MED27: variants seen among roughly 807,000 people sequenced by gnomAD.
The protein encoded by MED27 is mediator of RNA polymerase II transcription subunit 27.
MED27 carries 30 observed loss-of-function variants against 38.2 expected under a neutral mutation model. The ratio of observed to expected loss-of-function variants is 0.79; its 90% confidence interval spans 0.59 to 1.07. MED27 has a LOEUF of 1.07. Ranked by LOEUF, MED27 falls within the 50% of genes least tolerant of loss-of-function variation. The probability of loss-of-function intolerance (pLI) is 0.00; values close to 1 mark genes in which losing one functional copy is unlikely to be tolerated. For missense variants in MED27, 289 were observed against 397.5 expected (o/e 0.73, Z 2.32); for synonymous variants, 122 against 153.5 (o/e 0.79, Z 1.52).
At chr9:131,930,460 G>A (rs544630975) in intron 4 of MED27, among the ~76,000 whole-genome samples, 2 of 152,272 alleles carry the variant, frequency 1.3e-5, no homozygotes, top group Non-Finnish European at 2.9e-5. Flanking sequence ...GAGTGGCATG[G>A]CATATTTGAA....
chr9:132,068,529 G>A (rs765303360), intron 2 of MED27, among the ~76,000 whole-genome samples: 2 of 152,158 alleles, frequency 1.3e-5, no homozygotes, highest in Non-Finnish European at 2.9e-5. Context: ...AATAATGGAG[G>A]CCCGGGGAGA....
intron 2 of MED27, among the ~76,000 whole-genome samples, chr9:132,026,323 A>T (rs551593174): frequency 6.6e-6 from 1 of 152,310 alleles, no homozygotes; most frequent in African/African-American, 2.4e-5. Context: ...TTTGGTCCTC[A>T]ATACCCAATA....
chr9:131,993,799 C>T (rs1401224954), intron 3 of MED27, among the ~76,000 whole-genome samples: 2 of 152,210 alleles, frequency 1.3e-5, no homozygotes, highest in Non-Finnish European at 2.9e-5. Flanking sequence ...TCTGCAGGCT[C>T]TCCCCATGTC....
At chr9:132,001,017 T>C (rs535876506) in intron 3 of MED27, among the ~76,000 whole-genome samples, 2 of 152,148 alleles carry the variant, frequency 1.3e-5, no homozygotes, top group African/African-American at 4.8e-5. Flanking sequence ...GGAGGATCAC[T>C]TGAGCCCAGG....
intron 4 of MED27, among the ~76,000 whole-genome samples, chr9:131,921,623 C>T (rs1296929862): frequency 2.6e-5 from 4 of 152,184 alleles, no homozygotes; most frequent in African/African-American, 9.7e-5. Context: ...GTGGCAATTC[C>T]TCAAGGATCT....
chr9:131,895,297 T>G (rs1829813002), intron 4 of MED27, among the ~76,000 whole-genome samples: 1 of 152,184 alleles, frequency 6.6e-6, no homozygotes, highest in African/African-American at 2.4e-5. Flanking sequence ...TAGTGCGAGT[T>G]GCTCTGATGA....
chr9:131,937,850 G>C (rs555139625), intron 4 of MED27, among the ~76,000 whole-genome samples: 16 of 149,888 alleles, frequency 1.1e-4, no homozygotes, highest in Non-Finnish European at 1.8e-4. Flanking sequence ...TTTTGAGACA[G>C]AGTCTCGCTC....
rs1832128915 is a variant in MED27 at position 131,997,935 on chromosome 9, T to C, written c.479+16402A>G. On this transcript the variant is annotated intron_variant, in intron 3 of 7. Coordinates refer to ENST00000292035, the MANE Select transcript of MED27 (RefSeq NM_004269.4). This position sits in a 1 kb window ranked among gnomAD's most constrained non-coding sequence, Gnocchi z 4.0. ...TTGGTGATCTCTCATCTAATTTCTT[T>C]GAACTCTGAGTCTATAAATCTGGGC... Among the ~76,000 whole-genome samples the C allele has an allele frequency of 6.6e-6, 1 of 152,204 alleles. No individual in the cohort carries two copies. Among genetic ancestry groups the C allele is most frequent in the African/African-American group, 2.4e-5 (1 of 41,462 alleles).
intron 6 of MED27, chr9:131,869,074 C>G: frequency 2.0e-6 from 2 of 985,456 alleles, no homozygotes; most frequent in Non-Finnish European, 2.4e-6. Flanking sequence ...TCTTCCACTG[C>G]CAAGTGCTGG....
chr9:132,038,970 C>G (rs1833144834), intron 2 of MED27, among the ~76,000 whole-genome samples: 1 of 152,158 alleles, frequency 6.6e-6, no homozygotes, highest in Non-Finnish European at 1.5e-5. Context: ...GAGAAGCCAG[C>G]CAGTCCATGG....
intron 5 of MED27, among the ~76,000 whole-genome samples, chr9:131,891,608 C>T (rs1839229923): frequency 6.6e-6 from 1 of 152,140 alleles, no homozygotes; most frequent in South Asian, 2.1e-4. Flanking sequence ...CTTGTTTGAC[C>T]ATGCATTGCT....
chr9:131,898,272 T>C (rs9411320), intron 4 of MED27, among the ~76,000 whole-genome samples: 81,082 of 151,568 alleles, frequency 0.53, 23,505 homozygotes, highest in Non-Finnish European at 0.66. Context: ...TCCTGCTCTG[T>C]CACCCAGGCT....
At chr9:132,074,418 T>C (rs529165309) in intron 2 of MED27, among the ~76,000 whole-genome samples, 53 of 152,262 alleles carry the variant, frequency 3.5e-4, no homozygotes, top group Non-Finnish European at 6.0e-4. Context: ...CATCTCATAA[T>C]GGATGGGTAT....
At chr9:132,057,337 A>G (rs1833602859) in intron 2 of MED27, among the ~76,000 whole-genome samples, 1 of 152,200 alleles carries the variant, frequency 6.6e-6, no homozygotes, top group South Asian at 2.1e-4. Context: ...GTCTAGATTC[A>G]CAAGTCACTG....
rs1830231394 is a variant in MED27 at position 131,913,708 on chromosome 9, C to T, written c.574-19716G>A. 6.6e-6 allele frequency among the ~76,000 whole-genome samples: 1 copy of T among 152,282 alleles called. No homozygotes were observed. Among genetic ancestry groups the T allele is most frequent in the Middle Eastern group, 3.4e-3 (1 of 294 alleles). ...CATGGCTAGGTGGCAGTAGGTTTCT[C>T]CAGGTGTGGACCCCAGCCCAACTCC... On this transcript the variant is annotated intron_variant, in intron 4 of 7. Coordinates refer to ENST00000292035, the MANE Select transcript of MED27 (RefSeq NM_004269.4). The surrounding 1 kb of genome is among the most constrained non-coding windows in gnomAD (Gnocchi z 4.5).
At chr9:131,863,030 T>C (rs370268906) in intron 7 of MED27, 33 bp downstream of exon 7, 82 of 1,600,430 alleles carry the variant, frequency 5.1e-5, no homozygotes, top group Non-Finnish European at 6.9e-5. Context: ...AGCTGAGGTT[T>C]AAACAGGAGA....
At position 131,909,380 on chromosome 9, in the gene MED27, T is replaced by C. The variant is rs1007921954; in HGVS notation, c.574-15388A>G. On this transcript the variant is annotated intron_variant, in intron 4 of 7. Coordinates refer to ENST00000292035, the MANE Select transcript of MED27 (RefSeq NM_004269.4). ...TAGCCTGAGTGAATCTCAGATAAGC[T>C]GATGCTCATCCTAAACCCACTCCTG... Among the ~76,000 whole-genome samples the C allele has an allele frequency of 5.9e-5, 9 of 152,340 alleles. 1 individual carries two copies. In the South Asian group the frequency reaches 1.9e-3, roughly 32 times the overall value.
intron 3 of MED27, among the ~76,000 whole-genome samples, chr9:131,950,153 A>G (rs1422226863): frequency 6.6e-6 from 1 of 152,154 alleles, no homozygotes; most frequent in African/African-American, 2.4e-5. Context: ...GAGAGAAAAA[A>G]GAAAAAAAAC....
intron 2 of MED27, among the ~76,000 whole-genome samples, chr9:132,042,565 A>G (rs982082551): frequency 4.6e-5 from 7 of 152,194 alleles, no homozygotes; most frequent in African/African-American, 1.7e-4. Context: ...AGTGGCCACA[A>G]TCTGCATTCA....
Sources: allele counts gnomAD v4.1 joint callset (sites outside exome capture counted in the v4.1 genomes callset), GRCh38; gene constraint gnomAD v4.1.1; non-coding constraint Gnocchi (gnomAD v3.1); transcripts MANE v1.5; gene names NCBI Gene and HGNC (gene_info 2026-07-23, HGNC 2026-07-21).